Variants in ZIC5 observed in about 807,000 individuals in gnomAD.
ZIC5 encodes the protein Zic family zinc finger 5, also known as zinc finger protein ZIC 5.
Under a neutral mutation model 28.5 loss-of-function variants are expected in ZIC5, and 20 were observed. That is an observed-to-expected ratio of 0.70 (90% confidence interval 0.49 to 1.02). The LOEUF (loss-of-function observed/expected upper bound fraction) is 1.02. Ranked by LOEUF, ZIC5 falls within the 50% of genes least tolerant of loss-of-function variation. ZIC5 has a pLI of 0.00. For missense variants in ZIC5, 951 were observed against 899.7 expected, an observed-to-expected ratio of 1.06 and a Z score of -0.73; for synonymous variants, 488 against 410.4, an observed-to-expected ratio of 1.19 and a Z score of -2.29.
Position 99,965,703 on chromosome 13 carries a change from G to C in ZIC5, c.1594C>G (p.Arg532Gly). ...TSDKPYYCKI[R>G]GCDKSYTHPS... is the part of the protein sequence containing the mutation. Reference sequence around the variant, plus strand: ...TGAGTGTAGGATTTGTCACAGCCTCGAATCTTGCAGTAGTAGGGCTTGTCA... The same window carrying C: ...TGAGTGTAGGATTTGTCACAGCCTCCAATCTTGCAGTAGTAGGGCTTGTCA... Residue 532 changes from arginine to glycine, a missense_variant, in exon 2 of 2, where the codon CGA becomes GGA. Physicochemically the swap from Arg to Gly is moderately radical, Grantham distance 125 (BLOSUM62 -2). Around this residue, in one of 3 missense-constraint regions of ZIC5, gnomAD observed 59 missense variants for 121.2 expected, o/e 0.49. Coordinates refer to ENST00000267294, the MANE Select transcript of ZIC5 (RefSeq NM_033132.5). 1.9e-6 allele frequency: 3 copies of C among 1,614,160 alleles called. No individual in the cohort carries two copies. Among genetic ancestry groups the C allele is most frequent in the Non-Finnish European group, 1.7e-6 (2 of 1,180,024 alleles).
At position 99,971,110 on chromosome 13, in the gene ZIC5, C is replaced by A; in HGVS notation, c.494G>T (p.Ser165Ile). 1.4e-6 allele frequency: 2 copies of A among 1,427,340 alleles called. No homozygotes were observed. Among genetic ancestry groups the A allele is most frequent in the South Asian group, 1.5e-5 (1 of 68,304 alleles). The allele number at this position is 1,427,340 out of a possible 1,614,324, so 88.4% of individuals were successfully genotyped here. Residue 165 changes from serine to isoleucine, a missense_variant, in exon 1 of 2, where the codon AGC (serine) becomes ATC (isoleucine). Transcript: ENST00000267294. ...TTTNSGGGGS[S>I]GKGHSRDFVL... ...GAAGTCCCTGCTGTGGCCTTTGCCG[C>A]TGCTGCCGCCGCCGCCACTGTTGGT... is the stretch of plus-strand genomic sequence containing the variant.
In ZIC5 at chr13:99,970,931, C is replaced by A; in HGVS notation, c.673G>T (p.Ala225Ser). 1 of 1,387,158 alleles carries A rather than the reference C, an allele frequency of 7.2e-7. No homozygotes were observed. The highest frequency in any genetic ancestry group is 9.2e-7 in the Non-Finnish European group (1 of 1,081,536). 85.9% of individuals were successfully genotyped at this position (1,387,158 alleles called of 1,614,324 possible). ...GGGCCGCCGCTGCCGTCCGGGCCCG[C>A]GTAGGTGCCGCTGGCGGAGATGAAC... ...GMFISASGTY[A>S]GPDGSGGPAL... The change falls in exon 1 of 2, where the codon GCG (alanine) becomes TCG (serine). Residue 225 changes from alanine to serine, a missense_variant. Ala to Ser is a moderately conservative substitution (Grantham distance 99, BLOSUM62 1). Coordinates refer to ENST00000267294, the MANE Select transcript of ZIC5 (RefSeq NM_033132.5).
At chr13:99,968,816 G>A (rs559113857) in intron 1 of ZIC5, among the ~76,000 whole-genome samples, 2 of 152,256 alleles carry the variant, frequency 1.3e-5, no homozygotes, top group Non-Finnish European at 2.9e-5. Context: ...GAGAGAAAAG[G>A]GGCTCCTGGG....
At chr13:99,971,865 C>G, upstream of ZIC5, 2 of 698,362 alleles carry the variant, frequency 2.9e-6, no homozygotes, top group South Asian at 2.0e-5. Flanking sequence ...CTCGGCTGCT[C>G]GATTGGCTCC....
chr13:99,971,396 C>G lies in ZIC5; in HGVS notation c.208G>C (p.Glu70Gln), dbSNP rs1212590426. 1.3e-6 allele frequency: 2 copies of G among 1,510,248 alleles called. No individual in the cohort carries two copies. Among genetic ancestry groups the G allele is most frequent in the Non-Finnish European group, 1.8e-6 (2 of 1,135,958 alleles). The allele number at this position is 1,510,248 out of a possible 1,614,324, so 93.6% of individuals were successfully genotyped here. The change falls in exon 1 of 2, where the codon GAG becomes CAG. Residue 70 changes from glutamate to glutamine, a missense_variant. Around this residue, in one of 3 missense-constraint regions of ZIC5, gnomAD observed 784 missense variants for 660.1 expected, o/e 1.19. Coordinates refer to ENST00000267294, the MANE Select transcript of ZIC5 (RefSeq NM_033132.5). ...AGCGTGCTCGCCTGGGCCATGTGCTCGGGTCCGAGCGGAGTGGTGGCCACG... is the reference window on the plus strand; with the variant it reads ...AGCGTGCTCGCCTGGGCCATGTGCTGGGGTCCGAGCGGAGTGGTGGCCACG... ...PGVATTPLGP[E>Q]HMAQASTLGL...
upstream of ZIC5, chr13:99,971,864 T>C (rs2152157615): frequency 1.4e-6 from 1 of 703,900 alleles, no homozygotes; most frequent in Non-Finnish European, 2.3e-6. Flanking sequence ...CCTCGGCTGC[T>C]CGATTGGCTC....
rs185521005 is a variant in ZIC5, at chr13:99,964,015, A to C, written c.*1362T>G. The C allele has an allele frequency of 5.9e-3, 897 of 152,716 alleles. 23 individuals carry two copies. Among genetic ancestry groups the C allele is most frequent in the Non-Finnish European group, 3.8e-3 (258 of 68,030 alleles). 9.5% of individuals were successfully genotyped at this position (152,716 alleles called of 1,614,324 possible). A position where few individuals can be genotyped will look rare whatever the true frequency, so the allele number is the denominator to read the frequency against. ...TGTTGTACCAACCGAAAATAAATCG[A>C]CTAAGAGTTATTGTCCTAGGTCCTT... is the stretch of plus-strand genomic sequence containing the variant. On this transcript the variant is annotated 3_prime_UTR_variant, in exon 2 of 2. Coordinates refer to ENST00000267294, the MANE Select transcript of ZIC5 (RefSeq NM_033132.5).
chr13:99,965,199 TAATTA>T lies in ZIC5; in HGVS notation c.*173_*177del, dbSNP rs2053089828. On this transcript the variant is annotated 3_prime_UTR_variant, in exon 2 of 2. Coordinates refer to ENST00000267294, the MANE Select transcript of ZIC5 (RefSeq NM_033132.5). ...AAAAAAAAAAAAAGCCCAAATATCTTAATTAAATTAATTAAATGTACAAACACCAT... is the reference window on the plus strand; with the variant it reads ...AAAAAAAAAAAAAGCCCAAATATCTTAATTAATTAAATGTACAAACACCAT... 1 of 430,826 alleles carries T rather than the reference TAATTA, an allele frequency of 2.3e-6. No homozygotes were observed. The allele number at this position is 430,826 out of a possible 1,614,324, so 26.7% of individuals were successfully genotyped here. A position where few individuals can be genotyped will look rare whatever the true frequency, so the allele number is the denominator to read the frequency against.
chr13:99,971,115 G>A lies in ZIC5; in HGVS notation c.489C>T (p.Gly163=). The change falls in exon 1 of 2, where the codon GGC becomes GGT. Residue 163 remains glycine (G), a synonymous_variant. Coordinates refer to ENST00000267294, the MANE Select transcript of ZIC5 (RefSeq NM_033132.5). The part of the protein sequence containing the change: ...GYTTTNSGGG[G]SSGKGHSRDF... ...CCCTGCTGTGGCCTTTGCCGCTGCT[G>A]CCGCCGCCGCCACTGTTGGTGGTGG... The A allele has an allele frequency of 7.0e-7, 1 of 1,430,340 alleles. No individual in the cohort carries two copies. The highest frequency in any genetic ancestry group is 9.1e-7 in the Non-Finnish European group (1 of 1,101,218). The allele number at this position is 1,430,340 out of a possible 1,614,324, so 88.6% of individuals were successfully genotyped here. A position where few individuals can be genotyped will look rare whatever the true frequency, so the allele number is the denominator to read the frequency against.
Position 99,971,630 on chromosome 13 carries a change from C to T in ZIC5, c.-27G>A. On this transcript the variant is annotated 5_prime_UTR_variant, in exon 1 of 2. Transcript: ENST00000267294. The stretch of plus-strand genomic sequence containing the variant: ...AGAACTACACAATCAGGCCCATAGA[C>T]CCTCACTGGGGGGACTTTATTCCCT... 1 of 1,560,862 alleles carries T rather than the reference C, an allele frequency of 6.4e-7. No individual in the cohort carries two copies. Among genetic ancestry groups the T allele is most frequent in the Non-Finnish European group, 8.7e-7 (1 of 1,151,134 alleles).
rs1181570941 is a variant in ZIC5 at position 99,971,451 on chromosome 13, G to A, written c.153C>T (p.Leu51=). 3 of 1,546,692 alleles carry A rather than the reference G, an allele frequency of 1.9e-6. No homozygotes were observed. The highest frequency in any genetic ancestry group is 2.6e-6 in the Non-Finnish European group (3 of 1,145,754). Residue 51 remains leucine, a synonymous_variant, in exon 1 of 2, where the codon CTC becomes CTT. Transcript: ENST00000267294. ...GGTCAGCGCCCAGGTCCCGCAGGCG[G>A]AGGTGCGCGACGGCGGCCCGGAGTT... The part of the protein sequence containing the change: ...HSQLRAAVAH[L]RLRDLGADPG...
rs1555331220 is a variant in ZIC5 at position 99,970,407 on chromosome 13, GGGCGGTGGC to G, written c.1188_1196del (p.Pro398_Pro400del). 7 of 1,192,650 alleles carry G rather than the reference GGGCGGTGGC, an allele frequency of 5.9e-6. No homozygotes were observed. The highest frequency in any genetic ancestry group is 6.2e-6 in the Non-Finnish European group (6 of 966,418). The allele number at this position is 1,192,650 out of a possible 1,614,324, so 73.9% of individuals were successfully genotyped here. ...AGCAGGGCTTGGCGCCGCCGGCCGGGGGCGGTGGCGGCGGCGGCGGCGGCGGCGGCGGCG... is the reference window on the plus strand; with the variant it reads ...AGCAGGGCTTGGCGCCGCCGGCCGGGGGCGGCGGCGGCGGCGGCGGCGGCG... On this transcript the variant is annotated inframe_deletion, in exon 1 of 2. Coordinates refer to ENST00000267294, the MANE Select transcript of ZIC5 (RefSeq NM_033132.5).
rs1165935492 is a variant in ZIC5, at chr13:99,965,361, T to A, written c.*16A>T. 6.2e-7 allele frequency: 1 copy of A among 1,601,294 alleles called. No homozygotes were observed. ...CTCCCACTTATTATTTCACTTATTA[T>A]TATTAATAATAAATTCTAATGTATC... On this transcript the variant is annotated 3_prime_UTR_variant, in exon 2 of 2. Coordinates refer to ENST00000267294, the MANE Select transcript of ZIC5 (RefSeq NM_033132.5).
rs985565656 is a variant in ZIC5 at position 99,964,649 on chromosome 13, C to T, written c.*728G>A. Reference sequence around the variant, plus strand: ...ATATGGAGATATATTAAGGTTGCTGCATCTTTTTTTAAAATCACACAGTAG... The same window carrying T: ...ATATGGAGATATATTAAGGTTGCTGTATCTTTTTTTAAAATCACACAGTAG... On this transcript the variant is annotated 3_prime_UTR_variant, in exon 2 of 2. Coordinates refer to ENST00000267294, the MANE Select transcript of ZIC5 (RefSeq NM_033132.5). 3 of 152,514 alleles carry T rather than the reference C, an allele frequency of 2.0e-5. No homozygotes were observed. The highest frequency in any genetic ancestry group is 7.2e-5 in the African/African-American group (3 of 41,396). The allele number at this position is 152,514 out of a possible 1,614,324, so 9.4% of individuals were successfully genotyped here.
In ZIC5 at chr13:99,970,444, G is replaced by GGCA. The variant is rs753570337; in HGVS notation, c.1159_1160insTGC (p.Pro386_Pro387insLeu). On this transcript the variant is annotated inframe_insertion, in exon 1 of 2. Coordinates refer to ENST00000267294, the MANE Select transcript of ZIC5 (RefSeq NM_033132.5). ...CGGCGGCGGCGGCGGCGGCGGCGGC[G>GGCA]GCGGCAGCCCGGCCAGCTCGTCGGG... 1.7e-5 allele frequency: 18 copies of GGCA among 1,043,438 alleles called. No individual in the cohort carries two copies. In the Admixed American group the frequency reaches 6.7e-4, roughly 39 times the overall value. The allele number at this position is 1,043,438 out of a possible 1,614,324, so 64.6% of individuals were successfully genotyped here.
chr13:99,970,855 G>T lies in ZIC5; in HGVS notation c.749C>A (p.Pro250Gln). 2 of 1,256,724 alleles carry T rather than the reference G, an allele frequency of 1.6e-6. No individual in the cohort carries two copies. Among genetic ancestry groups the T allele is most frequent in the Non-Finnish European group, 9.9e-7 (1 of 1,008,462 alleles). 77.8% of individuals were successfully genotyped at this position (1,256,724 alleles called of 1,614,324 possible). A position where few individuals can be genotyped will look rare whatever the true frequency, so the allele number is the denominator to read the frequency against. ...GCGCATCTGGCCGTTGAGCGGGTGC[G>T]GGTGGCCGCCTGGGGCCCCCGGCGT... is the stretch of plus-strand genomic sequence containing the variant. ...HDTPGAPGGH[P>Q]HPLNGQMRLG... is the part of the protein sequence containing the mutation. Residue 250 changes from proline to glutamine, a missense_variant, in exon 1 of 2, where the codon CCG becomes CAG. Physicochemically the swap from Pro to Gln is moderately conservative, Grantham distance 76 (BLOSUM62 -1). This residue lies in a region of ZIC5 where 784 missense variants were observed against 660.1 expected (regional missense o/e 1.19). Transcript: ENST00000267294.
Position 99,963,942 on chromosome 13 carries a change from G to A in ZIC5, c.*1435C>T, listed in dbSNP as rs572778130. ...TCTAAGGATAAATTAGTGCTCTTTA[G>A]TGTATCTGTAGGATGTTTCTGATGG... On this transcript the variant is annotated 3_prime_UTR_variant, in exon 2 of 2. Coordinates refer to ENST00000267294, the MANE Select transcript of ZIC5 (RefSeq NM_033132.5). The A allele has an allele frequency of 2.6e-5, 4 of 152,606 alleles. No homozygotes were observed. The highest frequency in any genetic ancestry group is 9.6e-5 in the African/African-American group (4 of 41,572). The allele number at this position is 152,606 out of a possible 1,614,324, so 9.5% of individuals were successfully genotyped here. A position where few individuals can be genotyped will look rare whatever the true frequency, so the allele number is the denominator to read the frequency against.
At chr13:99,968,168 G>C (rs2053114786) in intron 1 of ZIC5, among the ~76,000 whole-genome samples, 1 of 152,202 alleles carries the variant, frequency 6.6e-6, no homozygotes, top group Non-Finnish European at 1.5e-5. Context: ...AAGGGAGAGC[G>C]GCGTGGCAGG....
At position 99,971,346 on chromosome 13, in the gene ZIC5, C is replaced by G. The variant is rs754515836; in HGVS notation, c.258G>C (p.Ala86=). Residue 86 remains alanine (A), a synonymous_variant, in exon 1 of 2, where the codon GCG becomes GCC. Coordinates refer to ENST00000267294, the MANE Select transcript of ZIC5 (RefSeq NM_033132.5). ...CCGGAGCCTCCGGGTGTGCCGGGAA[C>G]GCCTGGGAGGGAGGGCTGAGGCCCA... The part of the protein sequence containing the change: ...STLGLSPPSQ[A]FPAHPEAPAA... 3.5e-6 allele frequency: 5 copies of G among 1,419,048 alleles called. No individual in the cohort carries two copies. Among genetic ancestry groups the G allele is most frequent in the Non-Finnish European group, 4.6e-6 (5 of 1,098,656 alleles). The allele number at this position is 1,419,048 out of a possible 1,614,324, so 87.9% of individuals were successfully genotyped here. A position where few individuals can be genotyped will look rare whatever the true frequency, so the allele number is the denominator to read the frequency against.
Sources: allele counts gnomAD v4.1 joint callset (sites outside exome capture counted in the v4.1 genomes callset), GRCh38; gene constraint gnomAD v4.1.1; regional missense constraint gnomAD v4.1.1; transcripts MANE v1.5; gene names NCBI Gene and HGNC (gene_info 2026-07-23, HGNC 2026-07-21).